Variants in LRRC49 observed in about 807,000 individuals in gnomAD.
The protein encoded by LRRC49 is leucine rich repeat containing 49, also known as leucine-rich repeat-containing protein 49.
A neutral mutation model predicts 83.3 loss-of-function variants in LRRC49; 50 were observed. The observed-to-expected ratio is 0.60, with a 90% CI of 0.48 to 0.76. The LOEUF (loss-of-function observed/expected upper bound fraction) is 0.76, where lower values mean the gene tolerates loss of function less well. Among genes scored for constraint, LRRC49 ranks in the 30% least tolerant of loss-of-function variants. The pLI, the probability that LRRC49 is intolerant of heterozygous loss-of-function variation, is 0.00. For synonymous variants in LRRC49, 286 were observed against 283.3 expected (o/e 1.01, Z -0.10); for missense variants, 704 against 809.1 (o/e 0.87, Z 1.58).
intron 11 of LRRC49, among the ~76,000 whole-genome samples, chr15:71,004,356 A>G (rs2038377616): frequency 6.6e-6 from 1 of 152,228 alleles, no homozygotes; most frequent in African/African-American, 2.4e-5. Context: ...AATAGCAAAG[A>G]TGTGGAATCA....
intron 15 of LRRC49, among the ~76,000 whole-genome samples, chr15:71,041,330 G>T (rs549602127): frequency 6.6e-6 from 1 of 152,052 alleles, no homozygotes; most frequent in East Asian, 1.9e-4. Context: ...GAAATCAATG[G>T]TCATTTGAAA....
intron 1 of LRRC49, among the ~76,000 whole-genome samples, chr15:70,866,436 C>T (rs894844528): frequency 5.3e-5 from 8 of 152,306 alleles, no homozygotes; most frequent in Admixed American, 2.0e-4. Context: ...TGAGCGACCA[C>T]GTCCGGCCAC....
At chr15:70,912,985 A>AT (rs1243780542) in intron 6 of LRRC49, among the ~76,000 whole-genome samples, 1 of 151,832 alleles carries the variant, frequency 6.6e-6, no homozygotes, top group Non-Finnish European at 1.5e-5. Flanking sequence ...CTCTATATCT[A>AT]TTTTTTTATG....
intron 11 of LRRC49, among the ~76,000 whole-genome samples, chr15:70,990,504 T>C (rs557399683): frequency 1.4e-4 from 21 of 152,314 alleles, no homozygotes; most frequent in African/African-American, 5.1e-4. Context: ...AGTATTGGGG[T>C]GGGAGTGACC....
chr15:71,024,466 AC>A (rs1298877675), intron 14 of LRRC49, among the ~76,000 whole-genome samples: 1 of 152,096 alleles, frequency 6.6e-6, no homozygotes, highest in Non-Finnish European at 1.5e-5. Context: ...TGCAGGAGGG[AC>A]CCAGTTGAAT....
chr15:70,858,929 G>T, intron 1 of LRRC49: 2 of 787,446 alleles, frequency 2.5e-6, no homozygotes, highest in Non-Finnish European at 4.6e-6. Context: ...ACCAGAGCCT[G>T]CTGAGCCCTC....
At position 70,904,687 on chromosome 15, in the gene LRRC49, C is replaced by CTAGATTG; in HGVS notation, c.432_433insTAGATTG (p.Gln145Ter). On this transcript the variant is annotated stop_gained and frameshift_variant, in exon 5 of 16. Coordinates refer to ENST00000260382, the MANE Select transcript of LRRC49 (RefSeq NM_017691.5). LOFTEE classifies it high-confidence loss of function. ...TAATATCGTTGGATTTATATGATAACCAGATTGAAGAAATTAGTGGGCTTT... is the reference window on the plus strand; with the variant it reads ...TAATATCGTTGGATTTATATGATAACTAGATTGCAGATTGAAGAAATTAGTGGGCTTT... 1.2e-6 allele frequency: 2 copies of CTAGATTG among 1,613,310 alleles called. No homozygotes were observed. Among genetic ancestry groups the CTAGATTG allele is most frequent in the South Asian group, 2.2e-5 (2 of 91,034 alleles).
chr15:70,854,726 T>A (rs2032608691), intron 1 of LRRC49, among the ~76,000 whole-genome samples: 1 of 152,176 alleles, frequency 6.6e-6, no homozygotes, highest in Non-Finnish European at 1.5e-5. Flanking sequence ...GAGCATCAGC[T>A]GCACCGGGGA....
chr15:70,971,897 G>A (rs2037018268), intron 9 of LRRC49, among the ~76,000 whole-genome samples: 1 of 145,676 alleles, frequency 6.9e-6, no homozygotes. Context: ...AGATGGGTCT[G>A]CTGAATACAG....
chr15:70,990,524 A>G (rs2037832627), intron 11 of LRRC49, among the ~76,000 whole-genome samples: 2 of 152,182 alleles, frequency 1.3e-5, no homozygotes, highest in African/African-American at 2.4e-5. Context: ...CCAATTTTCC[A>G]GGTGCCATCT....
chr15:70,869,391 C>T (rs568533797), intron 1 of LRRC49, among the ~76,000 whole-genome samples: 18 of 152,284 alleles, frequency 1.2e-4, no homozygotes, highest in African/African-American at 4.3e-4. Context: ...CTTAGACTGC[C>T]ATATTTAAAC....
intron 7 of LRRC49, among the ~76,000 whole-genome samples, chr15:70,925,940 C>G (rs1218151559): frequency 6.6e-6 from 1 of 152,162 alleles, no homozygotes; most frequent in East Asian, 1.9e-4. Flanking sequence ...CCTTGTGCCT[C>G]TTTCTAGTTA....
At chr15:70,883,649 ATT>A (rs34016002) in intron 2 of LRRC49, among the ~76,000 whole-genome samples, 10 of 143,790 alleles carry the variant, frequency 7.0e-5, no homozygotes, top group Non-Finnish European at 7.6e-5. Flanking sequence ...GTGAAATGGA[ATT>A]TTTTTTTTTT....
chr15:70,934,401 TA>T (rs2035527022), intron 7 of LRRC49, among the ~76,000 whole-genome samples: 1 of 152,190 alleles, frequency 6.6e-6, no homozygotes, highest in Admixed American at 6.5e-5. Flanking sequence ...ATTTGCTTTT[TA>T]AAGTTCTGGA....
rs2037693771 is a variant in LRRC49 at position 70,987,910 on chromosome 15, G to A, written c.1169+3653G>A. On this transcript the variant is annotated intron_variant, in intron 11 of 15. Transcript: ENST00000260382. Reference sequence around the variant, plus strand: ...TGTTATGTACCTAGTAGTCAATCAGGAGCAGGTTGTTCAGTTTCCATGTAG... The same window carrying A: ...TGTTATGTACCTAGTAGTCAATCAGAAGCAGGTTGTTCAGTTTCCATGTAG... Among the ~76,000 whole-genome samples, 3 of 152,224 alleles carry A rather than the reference G, an allele frequency of 2.0e-5. 1 individual carries two copies. The highest frequency in any genetic ancestry group is 2.0e-4 in the Admixed American group (3 of 15,292).
chr15:70,876,418 C>G (rs1053807805), intron 2 of LRRC49, among the ~76,000 whole-genome samples: 1 of 151,984 alleles, frequency 6.6e-6, no homozygotes, highest in Admixed American at 6.5e-5. Context: ...GATTAGTAAA[C>G]AGTCACAACA....
chr15:71,000,006 C>T (rs2038205192), intron 11 of LRRC49, among the ~76,000 whole-genome samples: 1 of 152,178 alleles, frequency 6.6e-6, no homozygotes, highest in African/African-American at 2.4e-5. Flanking sequence ...GTCTGCATTG[C>T]TTCCTCTGTT....
intron 2 of LRRC49, among the ~76,000 whole-genome samples, chr15:70,884,183 G>GA (rs2033342399): frequency 6.6e-6 from 1 of 152,050 alleles, no homozygotes; most frequent in Admixed American, 6.6e-5. Flanking sequence ...TCAAACCACT[G>GA]AAAAAATATT....
intron 4 of LRRC49, chr15:70,902,493 A>C (rs1433274501): frequency 6.6e-6 from 1 of 152,246 alleles, no homozygotes; most frequent in Non-Finnish European, 1.5e-5. Context: ...GATATCATAA[A>C]GTTAGGCATC....
Sources: gnomAD v4.1 joint callset for allele counts (sites outside exome capture counted in the v4.1 genomes callset) on GRCh38, gnomAD v4.1.1 for gene constraint, MANE v1.5 for transcripts, NCBI Gene and HGNC (gene_info 2026-07-23, HGNC 2026-07-21) for gene names.